DLG5: variants seen among roughly 807,000 people sequenced by gnomAD.
DLG5 encodes the protein disks large homolog 5.
DLG5 carries 48 observed loss-of-function variants against 189.8 expected under a neutral mutation model. The ratio of observed to expected loss-of-function variants is 0.25; its 90% CI spans 0.20 to 0.32. DLG5 has a LOEUF of 0.32. Among genes scored for constraint, DLG5 ranks in the 10% least tolerant of loss-of-function variants. DLG5 has a pLI of 1.00. For missense variants in DLG5, 2,160 were observed against 2,544.7 expected, an observed-to-expected ratio of 0.85 and a Z score of 3.25; for synonymous variants, 1,016 against 1,054.1, an observed-to-expected ratio of 0.96 and a Z score of 0.70.
chr10:77,814,089 T>C (rs1364409180), intron 20 of DLG5, among the ~76,000 whole-genome samples: 1 of 152,056 alleles, frequency 6.6e-6, no homozygotes, highest in African/African-American at 2.4e-5. Context: ...ATGATTCTCC[T>C]GCCTCAGCCT....
chr10:77,917,012 C>T (rs1026201505), intron 1 of DLG5, among the ~76,000 whole-genome samples: 4 of 150,536 alleles, frequency 2.7e-5, no homozygotes, highest in Non-Finnish European at 5.9e-5. Context: ...AGAAGTAAGC[C>T]AGTCACAAAA....
Position 77,792,188 on chromosome 10 carries a change from G to A in DLG5, c.*252C>T. On this transcript the variant is annotated 3_prime_UTR_variant, in exon 32 of 32. Coordinates refer to ENST00000372391, the MANE Select transcript of DLG5 (RefSeq NM_004747.4). ...AGCTGGCTAAAGAAAGGTGGGTGCT[G>A]AACCCGTCTTTAGTGTTATCTGTTT... 1 of 537,814 alleles carries A rather than the reference G, an allele frequency of 1.9e-6. No homozygotes were observed. The highest frequency in any genetic ancestry group is 3.1e-5 in the East Asian group (1 of 32,306). The allele number at this position is 537,814 out of a possible 1,614,324, so 33.3% of individuals were successfully genotyped here.
intron 7 of DLG5, among the ~76,000 whole-genome samples, chr10:77,839,841 C>G (rs1002056705): frequency 6.6e-6 from 1 of 151,944 alleles, no homozygotes; most frequent in African/African-American, 2.4e-5. Context: ...TGGCTTTTGC[C>G]TCAAGGGTCT....
chr10:77,842,354 T>C (rs1442841430), intron 6 of DLG5, among the ~76,000 whole-genome samples, 161 bp from the exon 7 acceptor site: 1 of 152,108 alleles, frequency 6.6e-6, no homozygotes, highest in East Asian at 1.9e-4. Context: ...AGTCATGGAG[T>C]ACCAGTGCCC....
chr10:77,906,860 A>G (rs1199170792), intron 1 of DLG5, among the ~76,000 whole-genome samples: 3 of 152,006 alleles, frequency 2.0e-5, no homozygotes, highest in Non-Finnish European at 2.9e-5. Flanking sequence ...TCCCGACCTC[A>G]GGTGATCCAC....
chr10:77,843,289 T>C (rs1037558646), intron 6 of DLG5, among the ~76,000 whole-genome samples, 158 bp downstream of exon 6: 11 of 152,170 alleles, frequency 7.2e-5, no homozygotes, highest in African/African-American at 2.7e-4. Flanking sequence ...GGAGCCACGA[T>C]TCCCAAGACA....
intron 24 of DLG5, among the ~76,000 whole-genome samples, chr10:77,808,675 G>A (rs550336374): frequency 2.3e-4 from 35 of 152,218 alleles, no homozygotes; most frequent in African/African-American, 7.7e-4. Context: ...ATCACCTGAG[G>A]GCGAGCACCC....
chr10:77,914,244 G>A (rs1589278715), intron 1 of DLG5, among the ~76,000 whole-genome samples: 1 of 152,206 alleles, frequency 6.6e-6, no homozygotes, highest in African/African-American at 2.4e-5. Context: ...TCCACTGCAG[G>A]CCTCTGCCTT....
At chr10:77,871,388 C>T (rs183037060) in intron 1 of DLG5, among the ~76,000 whole-genome samples, 342 of 152,168 alleles carry the variant, frequency 2.2e-3, no homozygotes, top group Admixed American at 4.4e-3. Context: ...ACCAGAAAAC[C>T]CAGTTCAGCC....
chr10:77,809,509 A>G (rs762040656), intron 24 of DLG5, 38 bp downstream of exon 24: 23 of 1,581,496 alleles, frequency 1.5e-5, no homozygotes, highest in Middle Eastern at 1.8e-4. Context: ...CTGTGCAGGT[A>G]GATGGAGGCC....
At chr10:77,849,022 CAAG>C (rs1275264343) in intron 5 of DLG5, among the ~76,000 whole-genome samples, 1 of 152,188 alleles carries the variant, frequency 6.6e-6, no homozygotes, top group Non-Finnish European at 1.5e-5. Context: ...TAGAAGAATC[CAAG>C]AAGGTGCACT....
Position 77,816,531 on chromosome 10 carries a change from C to A in DLG5, c.4025+20G>T, listed in dbSNP as rs765864338. 21 of 1,613,840 alleles carry A rather than the reference C, an allele frequency of 1.3e-5. No individual in the cohort carries two copies. The highest frequency in any genetic ancestry group is 1.7e-5 in the Non-Finnish European group (20 of 1,179,934). On this transcript the variant is annotated intron_variant, in intron 20 of 31. Coordinates refer to ENST00000372391, the MANE Select transcript of DLG5 (RefSeq NM_004747.4). ...CTGTCCACTGGTTTACCCACTCCAC[C>A]GATGACCGGCCATGCTCACCTGTCC...
chr10:77,843,380 C>T (rs960059938), intron 6 of DLG5, 67 bp downstream of exon 6: 35 of 1,563,852 alleles, frequency 2.2e-5, no homozygotes, highest in East Asian at 6.7e-5. Context: ...CTGTTCTCAT[C>T]CCCTGGTGGT....
intron 23 of DLG5, among the ~76,000 whole-genome samples, chr10:77,810,720 C>G (rs1841720820): frequency 6.6e-6 from 1 of 152,220 alleles, no homozygotes. Context: ...GCTGCACGTG[C>G]CCGGCACTGG....
rs1421711430 is a variant in DLG5 at position 77,830,763 on chromosome 10, A to C, written c.1859T>G (p.Val620Gly). The change falls in exon 10 of 32, where the codon GTT becomes GGT. Residue 620 changes from valine (V) to glycine (G), a missense_variant. Val to Gly is a moderately radical substitution (Grantham distance 109). Coordinates refer to ENST00000372391, the MANE Select transcript of DLG5 (RefSeq NM_004747.4). ...TACCGTCTCCCTCTCGAACTCTACAACTTCCGTTTCCCACTCCATGGAATC... is the reference window on the plus strand; with the variant it reads ...TACCGTCTCCCTCTCGAACTCTACACCTTCCGTTTCCCACTCCATGGAATC... ...DTDSMEWETE[V>G]VEFERETEDI... 6.2e-7 allele frequency: 1 copy of C among 1,613,850 alleles called. No homozygotes were observed. Among genetic ancestry groups the C allele is most frequent in the African/African-American group, 1.3e-5 (1 of 74,846 alleles).
At chr10:77,805,615 C>A in intron 27 of DLG5, 50 bp downstream of exon 27, 1 of 1,554,884 alleles carries the variant, frequency 6.4e-7, no homozygotes. Flanking sequence ...CCTGGATCCA[C>A]AGCAAGCCCC....
intron 1 of DLG5, among the ~76,000 whole-genome samples, chr10:77,889,886 T>C (rs760552388): frequency 1.3e-5 from 2 of 152,050 alleles, no homozygotes; most frequent in Non-Finnish European, 2.9e-5. Flanking sequence ...GACACAATGA[T>C]AGGGAGGGGC....
chr10:77,923,115 C>A (rs1334388383), intron 1 of DLG5, among the ~76,000 whole-genome samples: 1 of 152,238 alleles, frequency 6.6e-6, no homozygotes, highest in Non-Finnish European at 1.5e-5. Context: ...TGGGTGATGG[C>A]ATCATCTCCA....
At chr10:77,836,020 G>A in intron 7 of DLG5, 98 bp from the exon 8 acceptor site, 1 of 1,291,228 alleles carries the variant, frequency 7.7e-7, no homozygotes, top group East Asian at 2.4e-5. Flanking sequence ...AGGCTCTAGG[G>A]AGCTGGATGG....
Sources: gnomAD v4.1 joint callset for allele counts (sites outside exome capture counted in the v4.1 genomes callset) on GRCh38, gnomAD v4.1.1 for gene constraint, MANE v1.5 for transcripts, NCBI Gene and HGNC (gene_info 2026-07-23, HGNC 2026-07-21) for gene names.